The following TMEM132C variants were observed in gnomAD, a reference collection of about 807,000 sequenced individuals.
TMEM132C encodes the protein protein phosphatase 1, regulatory subunit 152.
Under a neutral mutation model 61.4 loss-of-function variants are expected in TMEM132C, and 29 were observed. The observed-to-expected ratio is 0.47, with a 90% CI of 0.35 to 0.64. The LOEUF (loss-of-function observed/expected upper bound fraction) is 0.64, where lower values mean the gene tolerates loss of function less well. Ranked by LOEUF, TMEM132C falls within the 30% of genes least tolerant of loss-of-function variation. TMEM132C has a pLI of 0.00. For missense variants in TMEM132C, 1,408 were observed against 1,476.9 expected, an observed-to-expected ratio of 0.95 and a Z score of 0.76; for synonymous variants, 656 against 633.1, an observed-to-expected ratio of 1.04 and a Z score of -0.54.
chr12:128,660,267 G>A (rs992729563), intron 4 of TMEM132C, among the ~76,000 whole-genome samples: 2 of 152,174 alleles, frequency 1.3e-5, no homozygotes, highest in African/African-American at 4.8e-5. Flanking sequence ...TCGTCCAGGT[G>A]GGCTGAGGAA....
At chr12:128,486,828 T>A (rs1871508366) in intron 2 of TMEM132C, among the ~76,000 whole-genome samples, 1 of 151,646 alleles carries the variant, frequency 6.6e-6, no homozygotes, top group East Asian at 1.9e-4. Flanking sequence ...AATAAATGCA[T>A]CTCTTTAAGA....
intron 2 of TMEM132C, among the ~76,000 whole-genome samples, chr12:128,467,414 C>A (rs1370691326): frequency 1.3e-5 from 2 of 152,064 alleles, no homozygotes; most frequent in African/African-American, 4.8e-5. Context: ...GCTGGGCTGT[C>A]TTGGGCTGTT....
intron 3 of TMEM132C, among the ~76,000 whole-genome samples, chr12:128,544,930 C>T (rs978361621): frequency 3.3e-5 from 5 of 152,146 alleles, no homozygotes; most frequent in African/African-American, 1.2e-4. Context: ...CCAACCATGC[C>T]TGTATTTTAC....
chr12:128,639,135 ATGACAATGG>A (rs1432858958), intron 4 of TMEM132C, among the ~76,000 whole-genome samples: 4 of 143,060 alleles, frequency 2.8e-5, no homozygotes, highest in Non-Finnish European at 4.5e-5. Flanking sequence ...GATGGTGTTA[ATGACAATGG>A]TGATGATGAT....
chr12:128,320,086 G>A lies in TMEM132C; in HGVS notation c.85+52599G>A, dbSNP rs923610461. Among the ~76,000 whole-genome samples, 11 of 152,204 alleles carry A rather than the reference G, an allele frequency of 7.2e-5. No individual in the cohort carries two copies. In the South Asian group the frequency reaches 8.3e-4, roughly 12 times the overall value. On this transcript the variant is annotated intron_variant, in intron 1 of 8. Coordinates refer to ENST00000435159, the MANE Select transcript of TMEM132C (RefSeq NM_001136103.3). ...AGTCCAATAAGGCACAACCCAAGTC[G>A]CCAAAAGTTGTTAGTTAGGAACGCT...
intron 3 of TMEM132C, among the ~76,000 whole-genome samples, chr12:128,604,852 G>A (rs553058249): frequency 1.3e-5 from 2 of 151,360 alleles, no homozygotes; most frequent in Non-Finnish European, 2.9e-5. Context: ...TAGACAGACA[G>A]ATGGCTAGAT....
chr12:128,524,366 A>G (rs1244578233), intron 2 of TMEM132C, among the ~76,000 whole-genome samples: 1 of 152,188 alleles, frequency 6.6e-6, no homozygotes, highest in Admixed American at 6.5e-5. Flanking sequence ...TTTGATGTGA[A>G]TAAGCCCCAG....
chr12:128,594,174 C>T (rs1044988594), intron 3 of TMEM132C, among the ~76,000 whole-genome samples: 6 of 152,072 alleles, frequency 3.9e-5, no homozygotes, highest in African/African-American at 1.4e-4. Context: ...CTGAGTCCTT[C>T]GCCCTGCACA....
intron 2 of TMEM132C, among the ~76,000 whole-genome samples, chr12:128,446,050 C>T (rs1468791667): frequency 4.6e-5 from 7 of 152,292 alleles, no homozygotes; most frequent in South Asian, 2.1e-4. Context: ...AGAAAAGCAA[C>T]GGGGGATGGT....
At chr12:128,478,638 T>C (rs1183528343) in intron 2 of TMEM132C, among the ~76,000 whole-genome samples, 1 of 152,230 alleles carries the variant, frequency 6.6e-6, no homozygotes, top group African/African-American at 2.4e-5. Flanking sequence ...TCCCATCTTA[T>C]AGCTCACTGA....
chr12:128,345,365 G>A (rs559666615), intron 1 of TMEM132C, among the ~76,000 whole-genome samples: 18 of 152,222 alleles, frequency 1.2e-4, no homozygotes, highest in African/African-American at 2.4e-4. Flanking sequence ...TGCAGTGAAC[G>A]TATGTGTACG....
At chr12:128,387,749 G>A (rs1874632179) in intron 1 of TMEM132C, among the ~76,000 whole-genome samples, 1 of 152,180 alleles carries the variant, frequency 6.6e-6, no homozygotes, top group Non-Finnish European at 1.5e-5. Flanking sequence ...GGCAGAGGTT[G>A]CAGTGCAGAG....
intron 1 of TMEM132C, among the ~76,000 whole-genome samples, chr12:128,371,751 A>C (rs2135981909): frequency 6.6e-6 from 1 of 152,076 alleles, no homozygotes; most frequent in East Asian, 1.9e-4. Context: ...ATATTTTTAA[A>C]ATTTTTTTAT....
At position 128,297,253 on chromosome 12, in the gene TMEM132C, T is replaced by G. The variant is rs143860911; in HGVS notation, c.85+29766T>G. ...ATGGTATTGACTGCTTGGCTCTGGTTAATTTTCTGTGCTGTGAACACCATG... is the reference window on the plus strand; with the variant it reads ...ATGGTATTGACTGCTTGGCTCTGGTGAATTTTCTGTGCTGTGAACACCATG... On this transcript the variant is annotated intron_variant, in intron 1 of 8. Coordinates refer to ENST00000435159, the MANE Select transcript of TMEM132C (RefSeq NM_001136103.3). Among the ~76,000 whole-genome samples the G allele has an allele frequency of 6.6e-4, 101 of 152,334 alleles. 1 individual carries two copies. In the East Asian group the frequency reaches 0.015, roughly 23 times the overall value.
chr12:128,509,565 T>C (rs1872504666), intron 2 of TMEM132C, among the ~76,000 whole-genome samples: 1 of 152,220 alleles, frequency 6.6e-6, no homozygotes. Flanking sequence ...AAACTTAACT[T>C]TGCTTTTGGG....
intron 1 of TMEM132C, among the ~76,000 whole-genome samples, chr12:128,360,245 G>GACACACACACACACACACAC (rs145728632): frequency 6.8e-6 from 1 of 145,998 alleles, no homozygotes; most frequent in African/African-American, 2.6e-5. Context: ...GATAAAGGAC[G>GACACACACACACACACACAC]ACACACACAC....
intron 2 of TMEM132C, among the ~76,000 whole-genome samples, chr12:128,476,246 A>G (rs758624029): frequency 4.2e-5 from 6 of 143,364 alleles, no homozygotes; most frequent in Non-Finnish European, 8.9e-5. Flanking sequence ...TGTGTCCACA[A>G]GATAGGGATG....
intron 5 of TMEM132C, among the ~76,000 whole-genome samples, chr12:128,673,830 T>G (rs1954558337): frequency 6.6e-6 from 1 of 152,234 alleles, no homozygotes; most frequent in Non-Finnish European, 1.5e-5. Flanking sequence ...TTAATCAGTT[T>G]TATAAATGCA....
chr12:128,692,411 G>A (rs1954727051), intron 5 of TMEM132C, among the ~76,000 whole-genome samples: 1 of 152,248 alleles, frequency 6.6e-6, no homozygotes, highest in Non-Finnish European at 1.5e-5. Context: ...CTTAGTTTAA[G>A]AGGTGATATG....
Sources: gnomAD v4.1 joint callset for allele counts (sites outside exome capture counted in the v4.1 genomes callset) on GRCh38, gnomAD v4.1.1 for gene constraint, MANE v1.5 for transcripts, NCBI Gene and HGNC (gene_info 2026-07-23, HGNC 2026-07-21) for gene names.